DAB1: variants seen among roughly 807,000 people sequenced by gnomAD.
DAB1 encodes the protein disabled homolog 1.
DAB1 carries 15 observed loss-of-function variants against 64.6 expected under a neutral mutation model. The ratio of observed to expected loss-of-function variants is 0.23; its 90% confidence interval spans 0.16 to 0.36. The LOEUF is 0.36. DAB1 is among the 10% of genes least tolerant of loss of function. The pLI is 1.00. For synonymous variants in DAB1, 235 were observed against 251.9 expected (o/e 0.93, Z 0.64); for missense variants, 596 against 706.7 (o/e 0.84, Z 1.78).
intron 4 of DAB1, among the ~76,000 whole-genome samples, chr1:58,236,314 A>C (rs945877095): frequency 1.3e-5 from 2 of 152,168 alleles, no homozygotes; most frequent in East Asian, 3.9e-4. Flanking sequence ...GCACAGTAAC[A>C]GCTCATTTAG....
At chr1:57,137,697 G>C (rs1052532021) in intron 3 of DAB1, among the ~76,000 whole-genome samples, 3 of 152,164 alleles carry the variant, frequency 2.0e-5, no homozygotes, top group Non-Finnish European at 4.4e-5. Context: ...CAGCAGTTAT[G>C]GTTCTGGGCT....
chr1:57,015,480 A>G (rs967460791), intron 11 of DAB1, 49 bp from the exon 12 acceptor site: 1 of 1,517,078 alleles, frequency 6.6e-7, no homozygotes. Flanking sequence ...TGTCCTGGGA[A>G]AGAAGGATGC....
At chr1:58,016,468 T>C (rs2100442750) in intron 5 of DAB1, among the ~76,000 whole-genome samples, 1 of 152,136 alleles carries the variant, frequency 6.6e-6, no homozygotes, top group East Asian at 1.9e-4. Flanking sequence ...ACAACTATTC[T>C]CCCTGCTGAA....
At chr1:58,360,647 C>T (rs901130462) in intron 3 of DAB1, among the ~76,000 whole-genome samples, 1 of 152,058 alleles carries the variant, frequency 6.6e-6, no homozygotes, top group African/African-American at 2.4e-5. Context: ...CACTCAGAGA[C>T]ACACAGCAAA....
chr1:57,361,348 G>T (rs1218766304), intron 1 of DAB1, among the ~76,000 whole-genome samples: 1 of 152,098 alleles, frequency 6.6e-6, no homozygotes, highest in Admixed American at 6.6e-5. Flanking sequence ...CAGATAACTA[G>T]CTCAGATCAC....
chr1:57,335,736 G>A (rs1019768785), intron 1 of DAB1, among the ~76,000 whole-genome samples: 6 of 152,128 alleles, frequency 3.9e-5, no homozygotes, highest in African/African-American at 1.4e-4. Context: ...AGGATTAAAA[G>A]GTCGAGAATC....
intron 2 of DAB1, among the ~76,000 whole-genome samples, chr1:57,172,627 G>A (rs1432238176): frequency 1.3e-5 from 2 of 152,162 alleles, no homozygotes; most frequent in African/African-American, 2.4e-5. Flanking sequence ...AGGTGAGGGA[G>A]GGCCAGCGTG....
At chr1:57,589,246 C>T (rs959447203) in intron 7 of DAB1, among the ~76,000 whole-genome samples, 2 of 151,794 alleles carry the variant, frequency 1.3e-5, no homozygotes, top group Non-Finnish European at 2.9e-5. Flanking sequence ...AACAAAAAAA[C>T]CATATGTTTA....
At chr1:58,291,942 C>T (rs1409086790) in intron 4 of DAB1, among the ~76,000 whole-genome samples, 1 of 152,188 alleles carries the variant, frequency 6.6e-6, no homozygotes, top group East Asian at 1.9e-4. Flanking sequence ...ATGAGATTAT[C>T]ATCTGGATTG....
At chr1:58,340,629 A>G (rs996709145) in intron 4 of DAB1, among the ~76,000 whole-genome samples, 1 of 152,128 alleles carries the variant, frequency 6.6e-6, no homozygotes, top group African/African-American at 2.4e-5. Context: ...AGGCTTCTCA[A>G]CTCCCCAAAT....
intron 9 of DAB1, among the ~76,000 whole-genome samples, chr1:57,050,439 T>C (rs764064090): frequency 1.1e-4 from 17 of 152,214 alleles, no homozygotes; most frequent in Non-Finnish European, 2.4e-4. Flanking sequence ...CATCCTCATC[T>C]CCTGCTCCCA....
At chr1:57,485,484 G>C (rs894952398) in intron 7 of DAB1, among the ~76,000 whole-genome samples, 1 of 152,168 alleles carries the variant, frequency 6.6e-6, no homozygotes, top group Admixed American at 6.5e-5. Context: ...AGGGAATACA[G>C]AATAAATGAT....
intron 7 of DAB1, among the ~76,000 whole-genome samples, chr1:57,539,788 C>T (rs888065357): frequency 3.3e-5 from 5 of 152,152 alleles, no homozygotes; most frequent in African/African-American, 4.8e-5. Context: ...AATGAAGCTA[C>T]GTCAGGTGAG....
At chr1:57,655,675 A>T (rs181957605) in intron 6 of DAB1, among the ~76,000 whole-genome samples, 1 of 152,338 alleles carries the variant, frequency 6.6e-6, no homozygotes, top group East Asian at 1.9e-4. Context: ...GCCACGGAGA[A>T]ACATGAAACA....
chr1:57,747,452 A>T (rs895039968), intron 6 of DAB1, among the ~76,000 whole-genome samples: 1 of 152,174 alleles, frequency 6.6e-6, no homozygotes, highest in African/African-American at 2.4e-5. Flanking sequence ...GAGAGAGAGG[A>T]GAAAGAAGTG....
chr1:57,285,179 G>A (rs185439685), intron 2 of DAB1, among the ~76,000 whole-genome samples: 6 of 152,320 alleles, frequency 3.9e-5, no homozygotes, highest in African/African-American at 1.2e-4. Flanking sequence ...GAAAGAAGAG[G>A]ACAGAGCACT....
At position 57,706,748 on chromosome 1, in the gene DAB1, G is replaced by A. The variant is rs143928881; in HGVS notation, n.552-57083C>T. ...ATATATTTATATGCTGTTTTATCAC[G>A]TGTGAATTCATGTATTAACCACCCC... On this transcript the variant is annotated intron_variant and non_coding_transcript_variant, in intron 6 of 20. Transcript: ENST00000485760. Among the ~76,000 whole-genome samples the A allele has an allele frequency of 1.5e-3, 235 of 151,988 alleles. 1 individual carries two copies. Among genetic ancestry groups the A allele is most frequent in the African/African-American group, 3.9e-3 (163 of 41,440 alleles).
At chr1:58,013,246 T>C (rs1293646131) in intron 5 of DAB1, among the ~76,000 whole-genome samples, 2 of 152,176 alleles carry the variant, frequency 1.3e-5, no homozygotes, top group Non-Finnish European at 2.9e-5. Flanking sequence ...AAAATGAAGA[T>C]AATAGTGCCC....
chr1:57,392,159 A>G (rs1056903272), intron 1 of DAB1, among the ~76,000 whole-genome samples: 20 of 152,132 alleles, frequency 1.3e-4, no homozygotes, highest in African/African-American at 4.8e-4. Context: ...AGATCACAAG[A>G]TCAGGAGATC....
Sources: allele counts gnomAD v4.1 joint callset (sites outside exome capture counted in the v4.1 genomes callset), GRCh38; gene constraint gnomAD v4.1.1; transcripts MANE v1.5; gene names NCBI Gene and HGNC (gene_info 2026-07-23, HGNC 2026-07-21).